The following ST8SIA6 variants were observed in gnomAD, a reference collection of about 807,000 sequenced individuals.
ST8SIA6 encodes the protein alpha-2,8-sialyltransferase 8F.
ST8SIA6 carries 39 observed loss-of-function variants against 33.6 expected under a neutral mutation model. The observed-to-expected ratio is 1.16, with a 90% CI of 0.90 to 1.52. The LOEUF is 1.52. Among genes scored for constraint, ST8SIA6 ranks in the 40% most tolerant of loss-of-function variants. The pLI is 0.00. For missense variants in ST8SIA6, 441 were observed against 443.8 expected, an observed-to-expected ratio of 0.99 and a Z score of 0.06; for synonymous variants, 172 against 167.2, an observed-to-expected ratio of 1.03 and a Z score of -0.22.
At chr10:17,377,775 C>G (rs1473551686) in intron 3 of ST8SIA6, among the ~76,000 whole-genome samples, 3 of 152,184 alleles carry the variant, frequency 2.0e-5, no homozygotes, top group South Asian at 2.1e-4. Flanking sequence ...AGAGAAAATT[C>G]TAAGTCTTTA....
At chr10:17,399,612 A>G (rs1313250129) in intron 2 of ST8SIA6, among the ~76,000 whole-genome samples, 1 of 152,156 alleles carries the variant, frequency 6.6e-6, no homozygotes, top group Non-Finnish European at 1.5e-5. Context: ...TAGTTGCAAG[A>G]TAGTTTTCAA....
chr10:17,334,676 AT>A (rs1217298106), intron 4 of ST8SIA6, among the ~76,000 whole-genome samples: 2 of 152,102 alleles, frequency 1.3e-5, no homozygotes, highest in Non-Finnish European at 2.9e-5. Context: ...TATACAGTGA[AT>A]TTTTAAGTGG....
At chr10:17,368,232 C>CAA (rs61426907) in intron 3 of ST8SIA6, among the ~76,000 whole-genome samples, 55 of 74,160 alleles carry the variant, frequency 7.4e-4, no homozygotes, top group African/African-American at 1.5e-3. Flanking sequence ...CCTGTCTCTA[C>CAA]AAAAAAAAAA....
chr10:17,342,102 A>T (rs1191338928), intron 4 of ST8SIA6, among the ~76,000 whole-genome samples: 1 of 152,154 alleles, frequency 6.6e-6, no homozygotes, highest in Non-Finnish European at 1.5e-5. Context: ...ATAGCAGCCC[A>T]AGCTGACTGA....
rs1408364295 is a variant in ST8SIA6, at chr10:17,331,430, T to A, written c.500A>T (p.Asn167Ile). 8 of 1,613,226 alleles carry A rather than the reference T, an allele frequency of 5.0e-6. 1 individual carries two copies. The highest frequency in any genetic ancestry group is 4.4e-5 in the South Asian group (4 of 90,908). ...ESKKEIPIKK[N>I]IFHMFPVSQP... is the part of the protein sequence containing the mutation. ...CACCACTGGAAACATATGAAAAATGTTCTTCTTAATTGGGATTTCTTTTTT... is the reference window on the plus strand; with the variant it reads ...CACCACTGGAAACATATGAAAAATGATCTTCTTAATTGGGATTTCTTTTTT... Residue 167 changes from asparagine (N) to isoleucine (I), a missense_variant, in exon 5 of 8, where the codon AAC becomes ATC. Coordinates refer to ENST00000377602, the MANE Select transcript of ST8SIA6 (RefSeq NM_001004470.3).
intron 2 of ST8SIA6, 34 bp downstream of exon 2, chr10:17,453,525 A>G (rs1852998318): frequency 1.0e-5 from 13 of 1,274,612 alleles, no homozygotes; most frequent in Non-Finnish European, 1.3e-5. Flanking sequence ...GCAGCTCCCG[A>G]GCCCCAGTCC....
intron 2 of ST8SIA6, among the ~76,000 whole-genome samples, chr10:17,415,944 G>T (rs1272195206): frequency 6.6e-6 from 1 of 151,168 alleles, no homozygotes; most frequent in Non-Finnish European, 1.5e-5. Context: ...CGAGTAACTG[G>T]GATTACAGGT....
At chr10:17,337,381 T>G (rs1018201534) in intron 4 of ST8SIA6, among the ~76,000 whole-genome samples, 3 of 152,204 alleles carry the variant, frequency 2.0e-5, no homozygotes, top group African/African-American at 7.2e-5. Context: ...CCTGGAGTAG[T>G]AGTCCATGGT....
At chr10:17,434,998 G>C (rs997862048) in intron 2 of ST8SIA6, among the ~76,000 whole-genome samples, 1 of 152,190 alleles carries the variant, frequency 6.6e-6, no homozygotes, top group African/African-American at 2.4e-5. Flanking sequence ...TGCTGAGAAA[G>C]CTCTCCAGGT....
intron 2 of ST8SIA6, among the ~76,000 whole-genome samples, chr10:17,425,289 C>T (rs1851899880): frequency 6.6e-6 from 1 of 152,076 alleles, no homozygotes; most frequent in Non-Finnish European, 1.5e-5. Context: ...AAATATAAGC[C>T]AGGCATGGGT....
At chr10:17,413,726 C>T (rs1304881715) in intron 2 of ST8SIA6, among the ~76,000 whole-genome samples, 3 of 151,666 alleles carry the variant, frequency 2.0e-5, no homozygotes, top group African/African-American at 7.2e-5. Flanking sequence ...AGCATGTTAT[C>T]ATTTACATAT....
In ST8SIA6 at chr10:17,325,286, C is replaced by T. The variant is rs536411890; in HGVS notation, c.635+1728G>A. On this transcript the variant is annotated intron_variant, in intron 6 of 7. Coordinates refer to ENST00000377602, the MANE Select transcript of ST8SIA6 (RefSeq NM_001004470.3). ...ATACTATACAATGTACAATATATTACATACTATCTATAACACAGTATTATA... is the reference window on the plus strand; with the variant it reads ...ATACTATACAATGTACAATATATTATATACTATCTATAACACAGTATTATA... Among the ~76,000 whole-genome samples the T allele has an allele frequency of 6.2e-5, 9 of 144,414 alleles. No individual in the cohort carries two copies. The East Asian group carries it at 1.8e-3, about 29-fold the overall frequency. 94.7% of individuals were successfully genotyped at this position (144,414 alleles called of 152,430 possible). A position where few individuals can be genotyped will look rare whatever the true frequency, so the allele number is the denominator to read the frequency against.
chr10:17,440,351 G>C (rs368894166), intron 2 of ST8SIA6, among the ~76,000 whole-genome samples: 2 of 151,582 alleles, frequency 1.3e-5, no homozygotes, highest in African/African-American at 4.9e-5. Flanking sequence ...GATTACAGGC[G>C]CCCGCCACCA....
intron 2 of ST8SIA6, among the ~76,000 whole-genome samples, chr10:17,429,009 G>A (rs1852020971): frequency 6.6e-6 from 1 of 151,978 alleles, no homozygotes; most frequent in Admixed American, 6.6e-5. Context: ...GTTGTGTGTG[G>A]GGATTCATGA....
At position 17,319,742 on chromosome 10, in the gene ST8SIA6, C is replaced by T. The variant is rs1400330760; in HGVS notation, c.*1136G>A. On this transcript the variant is annotated 3_prime_UTR_variant, in exon 8 of 8. Coordinates refer to ENST00000377602, the MANE Select transcript of ST8SIA6 (RefSeq NM_001004470.3). ...TTTTATTAAAATAGCATATAAAGTC[C>T]CCACATTGTATATTTAATTATTTCA... is the stretch of plus-strand genomic sequence containing the variant. 2 of 151,914 alleles carry T rather than the reference C, an allele frequency of 1.3e-5. No individual in the cohort carries two copies. The highest frequency in any genetic ancestry group is 3.9e-4 in the East Asian group (2 of 5,184). 9.4% of individuals were successfully genotyped at this position (151,914 alleles called of 1,614,324 possible).
chr10:17,436,772 T>C (rs1000724365), intron 2 of ST8SIA6, among the ~76,000 whole-genome samples: 1 of 151,956 alleles, frequency 6.6e-6, no homozygotes, highest in Non-Finnish European at 1.5e-5. Flanking sequence ...CAGTCTATCA[T>C]TGTTGGACAT....
At chr10:17,333,671 G>GGATAGATA (rs1198999693) in intron 4 of ST8SIA6, among the ~76,000 whole-genome samples, 1 of 44,586 alleles carries the variant, frequency 2.2e-5, no homozygotes, top group Admixed American at 3.1e-4. Context: ...AATGGTGCTG[G>GGATAGATA]GATATATATA....
chr10:17,418,121 C>T (rs1043763978), intron 2 of ST8SIA6, among the ~76,000 whole-genome samples: 2 of 152,156 alleles, frequency 1.3e-5, no homozygotes, highest in African/African-American at 2.4e-5. Flanking sequence ...TACAGTAGTG[C>T]GATCAAAGCT....
intron 2 of ST8SIA6, among the ~76,000 whole-genome samples, chr10:17,431,424 G>A (rs1852097546): frequency 1.3e-5 from 2 of 152,074 alleles, no homozygotes; most frequent in African/African-American, 2.4e-5. Context: ...TTTGAAAGCA[G>A]TTATTTTAGT....
Sources: allele counts gnomAD v4.1 joint callset (sites outside exome capture counted in the v4.1 genomes callset), GRCh38; gene constraint gnomAD v4.1.1; transcripts MANE v1.5; gene names NCBI Gene and HGNC (gene_info 2026-07-23, HGNC 2026-07-21).